Variants in RGMA observed in about 807,000 individuals in gnomAD.
RGMA encodes repulsive guidance molecule A.
Under a neutral mutation model 23.2 loss-of-function variants are expected in RGMA, and 10 were observed. That is an observed-to-expected ratio of 0.43 (90% CI 0.27 to 0.73). The LOEUF is 0.73. Ranked by LOEUF, RGMA falls within the 30% of genes least tolerant of loss-of-function variation. The pLI is 0.20. For synonymous variants in RGMA, 308 were observed against 279.3 expected (o/e 1.10, Z -1.03); for missense variants, 547 against 630.5 (o/e 0.87, Z 1.42).
chr15:93,088,874 G>T (rs1270197900), intron 1 of RGMA, 45 bp downstream of exon 1: 4 of 1,489,016 alleles, frequency 2.7e-6, no homozygotes, highest in Non-Finnish European at 3.6e-6. Flanking sequence ...GCGGCGCCTC[G>T]GAGATGTCAG....
intron 3 of RGMA, among the ~76,000 whole-genome samples, chr15:93,047,348 G>A (rs1256261140): frequency 6.6e-6 from 1 of 152,176 alleles, no homozygotes; most frequent in Non-Finnish European, 1.5e-5. Flanking sequence ...GTTTTGCCAT[G>A]GGAGCTCTGG....
In RGMA at chr15:93,073,455, C is replaced by T. The variant is rs1481755521; in HGVS notation, c.15-424G>A. On this transcript the variant is annotated intron_variant, in intron 1 of 3. Coordinates refer to ENST00000329082, the MANE Select transcript of RGMA (RefSeq NM_020211.3). ...TGTCCTTGCAAACCAGGCCCAGCAC[C>T]CTTGGGAGGCCGCAGGGCATGAGGC... 6.9e-6 allele frequency: 7 copies of T among 1,007,414 alleles called. 1 individual carries two copies. The South Asian group carries it at 1.0e-4, about 15-fold the overall frequency. 62.4% of individuals were successfully genotyped at this position (1,007,414 alleles called of 1,614,324 possible). A position where few individuals can be genotyped will look rare whatever the true frequency, so the allele number is the denominator to read the frequency against.
chr15:93,064,681 G>A (rs960468876), intron 2 of RGMA, among the ~76,000 whole-genome samples: 2 of 152,334 alleles, frequency 1.3e-5, no homozygotes, highest in African/African-American at 4.8e-5. Flanking sequence ...GTATTCTGCC[G>A]GCTGGAGTGA....
chr15:93,063,910 G>A (rs1254705190), intron 2 of RGMA, among the ~76,000 whole-genome samples: 4 of 152,190 alleles, frequency 2.6e-5, no homozygotes, highest in Non-Finnish European at 5.9e-5. Context: ...AAAAGTGGCC[G>A]AATGCCACTC....
intron 2 of RGMA, among the ~76,000 whole-genome samples, chr15:93,057,431 T>C (rs2055032249): frequency 6.6e-6 from 1 of 152,074 alleles, no homozygotes; most frequent in African/African-American, 2.4e-5. Flanking sequence ...CCCCTCTCCC[T>C]CCTTCTGCCA....
At chr15:93,065,165 A>G (rs1418485883) in intron 2 of RGMA, among the ~76,000 whole-genome samples, 15 of 151,950 alleles carry the variant, frequency 9.9e-5, no homozygotes, top group Non-Finnish European at 1.5e-5. Context: ...TTTTTTTTCC[A>G]AGACCACAGG....
chr15:93,047,351 A>C (rs1211152025), intron 3 of RGMA, among the ~76,000 whole-genome samples: 1 of 152,020 alleles, frequency 6.6e-6, no homozygotes, highest in East Asian at 1.9e-4. Flanking sequence ...TTGCCATGGG[A>C]GCTCTGGGTG....
intron 2 of RGMA, among the ~76,000 whole-genome samples, chr15:93,058,178 C>A (rs1476891338): frequency 6.6e-6 from 1 of 152,218 alleles, no homozygotes; most frequent in Non-Finnish European, 1.5e-5. Context: ...AATTTCCCCA[C>A]CCAGAGAGAA....
chr15:93,078,292 A>C (rs1474328072), intron 1 of RGMA, among the ~76,000 whole-genome samples: 1 of 152,192 alleles, frequency 6.6e-6, no homozygotes, highest in Non-Finnish European at 1.5e-5. Context: ...CCAACCTCGC[A>C]AGCGTAGGGA....
chr15:93,051,004 G>A (rs2054909457), intron 3 of RGMA, among the ~76,000 whole-genome samples: 1 of 152,182 alleles, frequency 6.6e-6, no homozygotes, highest in African/African-American at 2.4e-5. Context: ...GGGGGCACAG[G>A]GTGGAGTGTA....
intron 2 of RGMA, among the ~76,000 whole-genome samples, chr15:93,061,142 C>A (rs950694273): frequency 4.6e-5 from 7 of 152,346 alleles, no homozygotes; most frequent in African/African-American, 1.4e-4. Context: ...ATACTCCATA[C>A]CCAAAGCCTA....
intron 1 of RGMA, chr15:93,073,559 C>T (rs946953125): frequency 3.3e-5 from 50 of 1,526,360 alleles, no homozygotes; most frequent in Non-Finnish European, 3.6e-5. Context: ...AAATCCCAGC[C>T]CTACTTTCCA....
chr15:93,068,306 T>C (rs1202925860), intron 2 of RGMA, among the ~76,000 whole-genome samples: 2 of 152,178 alleles, frequency 1.3e-5, no homozygotes, highest in Admixed American at 6.5e-5. Flanking sequence ...TGGGGTTCTC[T>C]GCCCAGTTCT....
intron 3 of RGMA, among the ~76,000 whole-genome samples, chr15:93,049,410 G>A (rs2054881409): frequency 6.6e-6 from 1 of 152,240 alleles, no homozygotes; most frequent in Admixed American, 6.5e-5. Flanking sequence ...TTGAGTTCCT[G>A]TCCTCTCCTG....
intron 3 of RGMA, among the ~76,000 whole-genome samples, chr15:93,051,736 G>C (rs2054922702): frequency 6.6e-6 from 1 of 152,256 alleles, no homozygotes; most frequent in Non-Finnish European, 1.5e-5. Context: ...GGGTGGGAAG[G>C]TCACTTGGCC....
rs193102125 is a variant in RGMA, at chr15:93,038,776, G to T, written c.*6222C>A. 4.1e-3 allele frequency: 629 copies of T among 152,082 alleles called. 2 individuals are homozygous for T. The highest frequency in any genetic ancestry group is 0.01 in the Middle Eastern group (3 of 298). The allele number at this position is 152,082 out of a possible 1,614,324, so 9.4% of individuals were successfully genotyped here. A position where few individuals can be genotyped will look rare whatever the true frequency, so the allele number is the denominator to read the frequency against. ...TTTTTAGTAGAGATGGGGTTTCACC[G>T]TGTTAGCCAGGATGGTCTCGATCTC... On this transcript the variant is annotated 3_prime_UTR_variant, in exon 4 of 4. Coordinates refer to ENST00000329082, the MANE Select transcript of RGMA (RefSeq NM_020211.3).
In RGMA at chr15:93,045,335, G is replaced by A; in HGVS notation, c.1016C>T (p.Ala339Val). The A allele has an allele frequency of 1.9e-6, 3 of 1,612,102 alleles. No homozygotes were observed. The highest frequency in any genetic ancestry group is 1.3e-5 in the African/African-American group (1 of 74,926). Reference sequence around the variant, plus strand: ...AGGGCTGGCGGCTGCCAGCCTGCGGGCACCGGTGCCCTCAGCATTGGTGTG... The same window carrying A: ...AGGGCTGGCGGCTGCCAGCCTGCGGACACCGGTGCCCTCAGCATTGGTGTG... ...AFHTNAEGTG[A>V]RRLAAASPAP... Residue 339 changes from alanine to valine, a missense_variant, in exon 4 of 4, where the codon GCC (alanine) becomes GTC (valine). Coordinates refer to ENST00000329082, the MANE Select transcript of RGMA (RefSeq NM_020211.3). The surrounding 1 kb of genome is among the most constrained non-coding windows in gnomAD (Gnocchi z 6.9).
At chr15:93,069,816 C>T (rs1047579125) in intron 2 of RGMA, among the ~76,000 whole-genome samples, 1 of 152,166 alleles carries the variant, frequency 6.6e-6, no homozygotes, top group African/African-American at 2.4e-5. Context: ...AAGTACAGGA[C>T]CCACACATAG....
At position 93,088,992 on chromosome 15, in the gene RGMA, G is replaced by A; in HGVS notation, c.-60C>T. 1 of 1,208,964 alleles carries A rather than the reference G, an allele frequency of 8.3e-7. No individual in the cohort carries two copies. The highest frequency in any genetic ancestry group is 1.1e-6 in the Non-Finnish European group (1 of 927,394). The allele number at this position is 1,208,964 out of a possible 1,614,324, so 74.9% of individuals were successfully genotyped here. ...GGGCTGCGGGAGAAGAGGGGGTGTCGGGGCGCCGCTCGTCTGCCCCGGGGC... is the reference window on the plus strand; with the variant it reads ...GGGCTGCGGGAGAAGAGGGGGTGTCAGGGCGCCGCTCGTCTGCCCCGGGGC... On this transcript the variant is annotated 5_prime_UTR_variant, in exon 1 of 4. Coordinates refer to ENST00000329082, the MANE Select transcript of RGMA (RefSeq NM_020211.3).
Sources: allele counts gnomAD v4.1 joint callset (sites outside exome capture counted in the v4.1 genomes callset), GRCh38; gene constraint gnomAD v4.1.1; non-coding constraint Gnocchi (gnomAD v3.1); transcripts MANE v1.5; gene names NCBI Gene and HGNC (gene_info 2026-07-23, HGNC 2026-07-21).